Variants in COL27A1 observed in about 807,000 individuals in gnomAD.
COL27A1 encodes the protein collagen type XXVII alpha 1 chain, also known as collagen alpha-1(XXVII) chain.
In COL27A1, 106 loss-of-function variants were observed where a neutral mutation model predicts 251.3. That is an observed-to-expected ratio of 0.42 (90% CI 0.36 to 0.50). COL27A1 has a LOEUF of 0.50. Ranked by LOEUF, COL27A1 falls within the 20% of genes least tolerant of loss-of-function variation. The probability of loss-of-function intolerance (pLI) is 0.00; values close to 1 mark genes in which losing one functional copy is unlikely to be tolerated. For missense variants in COL27A1, 2,325 were observed against 2,522.8 expected (o/e 0.92, Z 1.68); for synonymous variants, 1,000 against 986.3 (o/e 1.01, Z -0.26).
chr9:114,305,842 C>T (rs893390061), intron 57 of COL27A1, among the ~76,000 whole-genome samples: 1 of 152,216 alleles, frequency 6.6e-6, no homozygotes, highest in African/African-American at 2.4e-5. Flanking sequence ...GTCTCTGACA[C>T]ACGTTCACAC....
intron 7 of COL27A1, among the ~76,000 whole-genome samples, chr9:114,203,315 G>A (rs370925853): frequency 3.3e-4 from 51 of 152,250 alleles, no homozygotes; most frequent in African/African-American, 1.2e-3. Context: ...CCTTTTCAGC[G>A]CCCTTGAATC....
chr9:114,262,235 G>A (rs2636856), intron 28 of COL27A1, among the ~76,000 whole-genome samples: 124,079 of 152,184 alleles, frequency 0.82, 51,306 homozygotes, highest in African/African-American at 0.95. Flanking sequence ...GCCTAATGAC[G>A]TGGTGTGACA....
intron 5 of COL27A1, among the ~76,000 whole-genome samples, chr9:114,191,649 CT>C (rs1352016791): frequency 2.0e-5 from 3 of 152,208 alleles, no homozygotes; most frequent in Non-Finnish European, 4.4e-5. Flanking sequence ...ACCACATTTT[CT>C]TTATCCAGTC....
chr9:114,234,345 G>A (rs1832199347), intron 16 of COL27A1, among the ~76,000 whole-genome samples: 1 of 151,860 alleles, frequency 6.6e-6, no homozygotes, highest in African/African-American at 2.4e-5. Context: ...GTTCTACTAA[G>A]GAAGTTCTTT....
At position 114,290,437 on chromosome 9, in the gene COL27A1, G is replaced by A. The variant is rs976178831; in HGVS notation, c.4368+106G>A. 2 of 1,004,746 alleles carry A rather than the reference G, an allele frequency of 2.0e-6. No homozygotes were observed. Among genetic ancestry groups the A allele is most frequent in the African/African-American group, 1.8e-5 (1 of 56,340 alleles). The allele number at this position is 1,004,746 out of a possible 1,614,324, so 62.2% of individuals were successfully genotyped here. A position where few individuals can be genotyped will look rare whatever the true frequency, so the allele number is the denominator to read the frequency against. On this transcript the variant is annotated intron_variant, in intron 47 of 60. Coordinates refer to ENST00000356083, the MANE Select transcript of COL27A1 (RefSeq NM_032888.4). The surrounding 1 kb of genome is among the most constrained non-coding windows in gnomAD (Gnocchi z 4.6). ...GGAGCCCGTTTGGAAACTTGGATGGGCAGAACCAACACATCCAGAAGTTCT... is the reference window on the plus strand; with the variant it reads ...GGAGCCCGTTTGGAAACTTGGATGGACAGAACCAACACATCCAGAAGTTCT...
rs758523198 is a variant in COL27A1 at position 114,300,630 on chromosome 9, G to A, written c.4644G>A (p.Pro1548=). 1.8e-5 allele frequency: 28 copies of A among 1,534,820 alleles called. No homozygotes were observed. In the Admixed American group the frequency reaches 2.1e-4, roughly 12 times the overall value. Residue 1548 remains proline, a synonymous_variant, in exon 51 of 61, where the codon CCG becomes CCA. Coordinates refer to ENST00000356083, the MANE Select transcript of COL27A1 (RefSeq NM_032888.4). ...CCTTTCTCTGCCTCCCACAGGGCCCGCCTGGAGACATTGGCTTCAAAGGCA... is the reference window on the plus strand; with the variant it reads ...CCTTTCTCTGCCTCCCACAGGGCCCACCTGGAGACATTGGCTTCAAAGGCA... The part of the protein sequence containing the change: ...GMAGLFGPKG[P]PGDIGFKGIQ...
intron 57 of COL27A1, chr9:114,306,266 TC>T: frequency 2.4e-6 from 1 of 422,184 alleles, no homozygotes; most frequent in East Asian, 4.3e-5. Context: ...GCTCTGCCTG[TC>T]CCATATCAGA....
At chr9:114,198,147 T>A (rs989039439) in intron 7 of COL27A1, among the ~76,000 whole-genome samples, 1 of 152,252 alleles carries the variant, frequency 6.6e-6, no homozygotes, top group Non-Finnish European at 1.5e-5. Flanking sequence ...TACCAGCACA[T>A]TGAATTTTTG....
intron 49 of COL27A1, 98 bp from the exon 50 acceptor site, chr9:114,299,972 G>C: frequency 8.9e-7 from 1 of 1,122,280 alleles, no homozygotes; most frequent in Non-Finnish European, 1.4e-6. Context: ...TCCCTGGAAA[G>C]GCTGGGAGGG....
chr9:114,242,469 C>T (rs1467379227), intron 22 of COL27A1, among the ~76,000 whole-genome samples: 3 of 152,230 alleles, frequency 2.0e-5, no homozygotes, highest in Non-Finnish European at 4.4e-5. Flanking sequence ...CTTGATTCTC[C>T]CATGACACAT....
At chr9:114,183,340 T>C (rs1387647546) in intron 5 of COL27A1, among the ~76,000 whole-genome samples, 1 of 152,182 alleles carries the variant, frequency 6.6e-6, no homozygotes, top group East Asian at 1.9e-4. Context: ...AGGTGATTTC[T>C]TGCTAAATAG....
intron 28 of COL27A1, among the ~76,000 whole-genome samples, 168 bp from the exon 29 acceptor site, chr9:114,264,187 T>G (rs1221333142): frequency 6.6e-6 from 1 of 152,170 alleles, no homozygotes; most frequent in Non-Finnish European, 1.5e-5. Flanking sequence ...TCGAAGGCGC[T>G]GCACGAGGGT....
At chr9:114,258,475 C>A in intron 27 of COL27A1, 66 bp from the exon 28 acceptor site, 1 of 1,504,258 alleles carries the variant, frequency 6.6e-7, no homozygotes, top group East Asian at 2.4e-5. Flanking sequence ...CCCCACACTC[C>A]CAGCCCCCCG....
Position 114,300,606 on chromosome 9 carries a change from C to T in COL27A1, c.4639-19C>T. 6.5e-7 allele frequency: 1 copy of T among 1,535,622 alleles called. No homozygotes were observed. Among genetic ancestry groups the T allele is most frequent in the Non-Finnish European group, 8.7e-7 (1 of 1,143,068 alleles). On this transcript the variant is annotated intron_variant, in intron 50 of 60. Coordinates refer to ENST00000356083, the MANE Select transcript of COL27A1 (RefSeq NM_032888.4). Reference sequence around the variant, plus strand: ...CAGTGGCTGCCAAGTACAGACAGCCCTTTCTCTGCCTCCCACAGGGCCCGC... The same window carrying T: ...CAGTGGCTGCCAAGTACAGACAGCCTTTTCTCTGCCTCCCACAGGGCCCGC...
At chr9:114,292,247 T>C (rs1390757992) in intron 49 of COL27A1, 37 bp downstream of exon 49, 1 of 1,457,798 alleles carries the variant, frequency 6.9e-7, no homozygotes, top group Non-Finnish European at 9.4e-7. Context: ...GCCCACGCAC[T>C]CACACATGCA....
At chr9:114,287,900 G>T (rs1013179018) in intron 41 of COL27A1, among the ~76,000 whole-genome samples, 13 of 152,258 alleles carry the variant, frequency 8.5e-5, no homozygotes, top group African/African-American at 3.1e-4. Flanking sequence ...GATAATAATC[G>T]CATCTGCTTC....
At chr9:114,300,194 C>T (rs750647143) in intron 50 of COL27A1, 71 bp downstream of exon 50, 73 of 1,463,468 alleles carry the variant, frequency 5.0e-5, no homozygotes, top group Non-Finnish European at 6.6e-5. Flanking sequence ...TTTATTCATT[C>T]AACAAATATT....
In COL27A1 at chr9:114,304,686, G is replaced by C; in HGVS notation, c.4938+13G>C. On this transcript the variant is annotated intron_variant, in intron 57 of 60. Coordinates refer to ENST00000356083, the MANE Select transcript of COL27A1 (RefSeq NM_032888.4). ...ACTCAGGCCAGAGGTATCTCCAGGG[G>C]CTCTCCCCATGTGGGATCCCTTCCT... 1 of 1,612,768 alleles carries C rather than the reference G, an allele frequency of 6.2e-7. No individual in the cohort carries two copies. The highest frequency in any genetic ancestry group is 1.1e-5 in the South Asian group (1 of 91,062).
chr9:114,307,876 T>C, intron 59 of COL27A1, 98 bp downstream of exon 59: 1 of 772,454 alleles, frequency 1.3e-6, no homozygotes, highest in Non-Finnish European at 2.1e-6. Flanking sequence ...GAGCTGTGCC[T>C]GTCTTACTGC....
Sources: gnomAD v4.1 joint callset for allele counts (sites outside exome capture counted in the v4.1 genomes callset) on GRCh38, gnomAD v4.1.1 for gene constraint, Gnocchi (gnomAD v3.1) non-coding constraint, MANE v1.5 for transcripts, NCBI Gene and HGNC (gene_info 2026-07-23, HGNC 2026-07-21) for gene names.